The following APLP2 variants were observed in gnomAD, a reference collection of about 807,000 sequenced individuals.
APLP2 encodes amyloid beta precursor like protein 2, also known as CDEI box-binding protein.
A neutral mutation model predicts 89.9 loss-of-function variants in APLP2; 53 were observed. That is an observed-to-expected ratio of 0.59 (90% confidence interval 0.47 to 0.74). The LOEUF (loss-of-function observed/expected upper bound fraction) is 0.74. Among genes scored for constraint, APLP2 ranks in the 30% least tolerant of loss-of-function variants. APLP2 has a pLI of 0.00. For missense variants in APLP2, 973 were observed against 975.9 expected (o/e 1.00, Z 0.04); for synonymous variants, 372 against 348.6 (o/e 1.07, Z -0.75).
intron 5 of APLP2, 89 bp from the exon 6 acceptor site, chr11:130,122,216 T>G: frequency 6.8e-7 from 1 of 1,459,966 alleles, no homozygotes; most frequent in Non-Finnish European, 9.4e-7. Context: ...CTGCCTCTGT[T>G]TTTGTGTTTC....
intron 11 of APLP2, among the ~76,000 whole-genome samples, chr11:130,133,129 T>A (rs1951118949): frequency 6.6e-6 from 1 of 151,910 alleles, no homozygotes; most frequent in Non-Finnish European, 1.5e-5. Context: ...TACAGTCTTT[T>A]TTTTTTTTTT....
At chr11:130,099,540 C>A (rs968389329) in intron 1 of APLP2, among the ~76,000 whole-genome samples, 3 of 152,228 alleles carry the variant, frequency 2.0e-5, no homozygotes, top group Non-Finnish European at 4.4e-5. Flanking sequence ...GACTTCACTT[C>A]CAAGTCCCGG....
chr11:130,091,469 A>G (rs1239581978), intron 1 of APLP2, among the ~76,000 whole-genome samples: 104 of 126,362 alleles, frequency 8.2e-4, no homozygotes, highest in South Asian at 4.0e-3. Flanking sequence ...CACCTCCCAG[A>G]CGGGGCGGCT....
chr11:130,077,342 G>C (rs1024218838), intron 1 of APLP2, among the ~76,000 whole-genome samples: 1 of 152,022 alleles, frequency 6.6e-6, no homozygotes, highest in Non-Finnish European at 1.5e-5. Flanking sequence ...GAGATATTTC[G>C]CCTAGATAAG....
At chr11:130,138,583 T>G (rs1252219458) in intron 13 of APLP2, among the ~76,000 whole-genome samples, 2 of 96,708 alleles carry the variant, frequency 2.1e-5, no homozygotes, top group African/African-American at 5.5e-5. Flanking sequence ...GGTGGTAGGT[T>G]TTTTTTTTTT....
chr11:130,090,243 CTGTCT>C (rs1292436171), intron 1 of APLP2, among the ~76,000 whole-genome samples: 4 of 135,634 alleles, frequency 2.9e-5, no homozygotes, highest in Admixed American at 7.3e-5. Flanking sequence ...AGTTCTAGCT[CTGTCT>C]TTTTTTTTTT....
chr11:130,109,531 T>C lies in APLP2; in HGVS notation c.208T>C (p.Trp70Arg). 1 of 1,613,810 alleles carries C rather than the reference T, an allele frequency of 6.2e-7. No homozygotes were observed. Among genetic ancestry groups the C allele is most frequent in the South Asian group, 1.1e-5 (1 of 91,060 alleles). Residue 70 changes from tryptophan to arginine, a missense_variant, in exon 2 of 17, where the codon TGG (tryptophan) becomes CGG (arginine). Trp to Arg is a moderately radical substitution (Grantham distance 101, BLOSUM62 -3). Coordinates refer to ENST00000338167, the MANE Select transcript of APLP2 (RefSeq NM_001142276.2). ...NMHVNIQTGK[W>R]EPDPTGTKSC... Reference sequence around the variant, plus strand: ...GCATGTGAACATTCAGACTGGGAAATGGGAACCTGATCCAACAGGCACCAA... The same window carrying C: ...GCATGTGAACATTCAGACTGGGAAACGGGAACCTGATCCAACAGGCACCAA...
chr11:130,102,925 A>G (rs544877564), intron 1 of APLP2, among the ~76,000 whole-genome samples: 135 of 152,322 alleles, frequency 8.9e-4, no homozygotes, highest in African/African-American at 1.7e-3. Context: ...AGTTGATGCA[A>G]TTTGTTTTCC....
In APLP2 at chr11:130,143,196, C is replaced by T. The variant is rs567132992; in HGVS notation, c.2155-151C>T. 3 of 662,172 alleles carry T rather than the reference C, an allele frequency of 4.5e-6. No homozygotes were observed. The African/African-American group carries it at 5.4e-5, about 12-fold the overall frequency. The allele number at this position is 662,172 out of a possible 1,614,324, so 41.0% of individuals were successfully genotyped here. A position where few individuals can be genotyped will look rare whatever the true frequency, so the allele number is the denominator to read the frequency against. On this transcript the variant is annotated intron_variant, in intron 16 of 16. Transcript: ENST00000338167. ...TTATTTTCTTTCTCCTGTGTTTCACCACCGGTTCTCATTTGGCCTGTCCGG... is the reference window on the plus strand; with the variant it reads ...TTATTTTCTTTCTCCTGTGTTTCACTACCGGTTCTCATTTGGCCTGTCCGG...
chr11:130,137,134 G>T, intron 13 of APLP2: 1 of 867,796 alleles, frequency 1.2e-6, no homozygotes, highest in South Asian at 1.5e-5. Flanking sequence ...TTTTAAGGAG[G>T]AATACTTTTT....
rs1383410386 is a variant in APLP2, at chr11:130,133,659, A to G, written c.1615A>G (p.Arg539Gly). The G allele has an allele frequency of 6.2e-7, 1 of 1,614,210 alleles. No homozygotes were observed. Among genetic ancestry groups the G allele is most frequent in the Non-Finnish European group, 8.5e-7 (1 of 1,180,006 alleles). Residue 539 changes from arginine (R) to glycine (G), a missense_variant, in exon 12 of 17, where the codon AGG becomes GGG. Coordinates refer to ENST00000338167, the MANE Select transcript of APLP2 (RefSeq NM_001142276.2). ...GACACATCTCCACGTGATTGAAGAA[A>G]GGAGGAACCAAAGCCTCTCTCTGCT... Reference protein sequence around the residue: ...VMTHLHVIEERRNQSLSLLYK... With the variant: ...VMTHLHVIEEGRNQSLSLLYK...
At chr11:130,081,076 A>G (rs1196948605) in intron 1 of APLP2, among the ~76,000 whole-genome samples, 1 of 152,222 alleles carries the variant, frequency 6.6e-6, no homozygotes, top group Non-Finnish European at 1.5e-5. Flanking sequence ...AATTTAGAAA[A>G]TACAGTTTTG....
At chr11:130,096,878 A>T (rs12418083) in intron 1 of APLP2, among the ~76,000 whole-genome samples, 16,725 of 152,138 alleles carry the variant, frequency 0.11, 1,154 homozygotes, top group East Asian at 0.24. Context: ...TGAACCCCAG[A>T]AGGTTAACTA....
At chr11:130,091,208 G>A (rs879031312) in intron 1 of APLP2, among the ~76,000 whole-genome samples, 552 of 118,262 alleles carry the variant, frequency 4.7e-3, no homozygotes, top group African/African-American at 0.015. Flanking sequence ...GCGGCTGGCC[G>A]GGCAGGGGGG....
intron 1 of APLP2, among the ~76,000 whole-genome samples, chr11:130,072,153 C>T (rs1941221340): frequency 6.6e-6 from 1 of 152,224 alleles, no homozygotes; most frequent in African/African-American, 2.4e-5. Context: ...GACTCAGGGT[C>T]ACTTCCTCTC....
rs551386104 is a variant in APLP2 at position 130,075,547 on chromosome 11, G to T, written c.105+5465G>T. Among the ~76,000 whole-genome samples, 5 of 152,292 alleles carry T rather than the reference G, an allele frequency of 3.3e-5. No individual in the cohort carries two copies. The South Asian group carries it at 8.3e-4, about 25-fold the overall frequency. ...ATGATTTCTAGGCCCTAACCCCAGA[G>T]ATTGTCGTTGAGTACCTCTGGGATG... On this transcript the variant is annotated intron_variant, in intron 1 of 16. Transcript: ENST00000338167.
At chr11:130,126,618 C>G (rs1023096250) in intron 7 of APLP2, 82 bp from the exon 8 acceptor site, 8 of 1,534,562 alleles carry the variant, frequency 5.2e-6, no homozygotes, top group Non-Finnish European at 6.3e-6. Flanking sequence ...TGAGTCCATC[C>G]TGCAGGTCCT....
rs192648503 is a variant in APLP2 at position 130,141,070 on chromosome 11, C to T, written c.1924-428C>T. On this transcript the variant is annotated intron_variant, in intron 14 of 16. Transcript: ENST00000338167. The surrounding 1 kb of genome is among the most constrained non-coding windows in gnomAD (Gnocchi z 4.2). ...TACAGGCGTCCGCCACCACGCCTGGCTAATTTTTTGTATTTTTAGTAGAGA... is the reference window on the plus strand; with the variant it reads ...TACAGGCGTCCGCCACCACGCCTGGTTAATTTTTTGTATTTTTAGTAGAGA... 607 of 158,518 alleles carry T rather than the reference C, an allele frequency of 3.8e-3. 4 individuals carry two copies. Among genetic ancestry groups the T allele is most frequent in the African/African-American group, 0.014 (584 of 41,546 alleles). The allele number at this position is 158,518 out of a possible 1,614,324, so 9.8% of individuals were successfully genotyped here.
chr11:130,141,306 C>T lies in APLP2; in HGVS notation c.1924-192C>T. On this transcript the variant is annotated intron_variant, in intron 14 of 16. Transcript: ENST00000338167. This position sits in a 1 kb window ranked among gnomAD's most constrained non-coding sequence, Gnocchi z 4.2. ...CAGCTGCCATAATATAGTCTTCCCT[C>T]CATACCTGCCCCTTCATTAGGGGTT... The T allele has an allele frequency of 1.7e-6, 1 of 596,580 alleles. No individual in the cohort carries two copies. The highest frequency in any genetic ancestry group is 3.0e-6 in the Non-Finnish European group (1 of 333,492). The allele number at this position is 596,580 out of a possible 1,614,324, so 37.0% of individuals were successfully genotyped here. A position where few individuals can be genotyped will look rare whatever the true frequency, so the allele number is the denominator to read the frequency against.
Sources: gnomAD v4.1 joint callset for allele counts (sites outside exome capture counted in the v4.1 genomes callset) on GRCh38, gnomAD v4.1.1 for gene constraint, Gnocchi (gnomAD v3.1) non-coding constraint, MANE v1.5 for transcripts, NCBI Gene and HGNC (gene_info 2026-07-23, HGNC 2026-07-21) for gene names.